GSTZ1: variants seen among roughly 807,000 people sequenced by gnomAD.
GSTZ1 encodes maleylacetoacetate isomerase.
GSTZ1 carries 34 observed loss-of-function variants against 35.9 expected under a neutral mutation model. The ratio of observed to expected loss-of-function variants is 0.95; its 90% CI spans 0.72 to 1.26. The LOEUF (loss-of-function observed/expected upper bound fraction) is 1.26, where lower values mean the gene tolerates loss of function less well. Among genes scored for constraint, GSTZ1 ranks in the 50% most tolerant of loss-of-function variants. GSTZ1 has a pLI of 0.00. For missense variants in GSTZ1, 263 were observed against 271.7 expected (o/e 0.97, Z 0.23); for synonymous variants, 93 against 101.2 (o/e 0.92, Z 0.49).
intron 1 of GSTZ1, chr14:77,323,568 G>GAC (rs2078512763): frequency 6.6e-6 from 1 of 152,160 alleles, no homozygotes; most frequent in African/African-American, 2.4e-5. Flanking sequence ...TCGAACTCCT[G>GAC]ACCTCAGGTG....
At chr14:77,330,641 A>C (rs1046566277) in intron 8 of GSTZ1, among the ~76,000 whole-genome samples, 6 of 152,058 alleles carry the variant, frequency 3.9e-5, no homozygotes, top group African/African-American at 7.2e-5. Flanking sequence ...TGATGTCCTC[A>C]AATGTGGTGT....
At chr14:77,321,339 C>G (rs372580390) in intron 1 of GSTZ1, 156 bp downstream of exon 1, 3 of 1,533,380 alleles carry the variant, frequency 2.0e-6, no homozygotes, top group South Asian at 1.2e-5. Flanking sequence ...GCGTGCTGCG[C>G]GCTGCCCGCT....
chr14:77,321,236 TG>T (rs776626167), intron 1 of GSTZ1, 53 bp downstream of exon 1: 154 of 1,533,992 alleles, frequency 1.0e-4, no homozygotes, highest in Non-Finnish European at 1.3e-4. Context: ...CTGGAGACCC[TG>T]GGGGGCGGGG....
chr14:77,329,018 C>T, intron 5 of GSTZ1, 105 bp from the exon 6 acceptor site: 1 of 836,090 alleles, frequency 1.2e-6, no homozygotes, highest in South Asian at 1.3e-5. Flanking sequence ...GGATAGACAT[C>T]CAGCCAGGGG....
chr14:77,321,205 G>A, intron 1 of GSTZ1, 22 bp downstream of exon 1: 1 of 1,499,052 alleles, frequency 6.7e-7, no homozygotes, highest in Non-Finnish European at 9.0e-7. Flanking sequence ...GCACCCGGGT[G>A]GAGGGAAGCT....
rs778632005 is a variant in GSTZ1, at chr14:77,331,217, G to A, written c.*22G>A. 6.2e-7 allele frequency: 1 copy of A among 1,605,642 alleles called. No individual in the cohort carries two copies. The highest frequency in any genetic ancestry group is 1.1e-5 in the South Asian group (1 of 90,524). On this transcript the variant is annotated 3_prime_UTR_variant, in exon 9 of 9. Transcript: ENST00000216465. The stretch of plus-strand genomic sequence containing the variant: ...CTAGCTCCCAAATCCTGCCCCGTTG[G>A]CACAGGGCCACAGGAGCAGAAGCTG...
Position 77,324,923 on chromosome 14 carries a change from T to C in GSTZ1, c.67+2T>C. 6.2e-7 allele frequency: 1 copy of C among 1,612,010 alleles called. No individual in the cohort carries two copies. Among genetic ancestry groups the C allele is most frequent in the Non-Finnish European group, 8.5e-7 (1 of 1,178,076 alleles). ...CCTGCTCATGGAGAGTTCGAATTGG[T>C]AAGAGATGTGCCTCCTCCAGGATGA... is the stretch of plus-strand genomic sequence containing the variant. On this transcript the variant is annotated splice_donor_variant, in intron 2 of 8. Transcript: ENST00000216465. LOFTEE classifies it high-confidence loss of function.
At position 77,328,906 on chromosome 14, in the gene GSTZ1, G is replaced by A; in HGVS notation, c.343-217G>A. 9 of 588,660 alleles carry A rather than the reference G, an allele frequency of 1.5e-5. No individual in the cohort carries two copies. In the South Asian group the frequency reaches 1.8e-4, roughly 12 times the overall value. 36.5% of individuals were successfully genotyped at this position (588,660 alleles called of 1,614,324 possible). On this transcript the variant is annotated intron_variant, in intron 5 of 8. Transcript: ENST00000216465. ...TGACAGAATCACGTGGCTTTTTGAG[G>A]CCACTGGGGCAGCCTGCAAAGGTGG...
intron 3 of GSTZ1, chr14:77,327,231 G>A (rs545755742): frequency 4.9e-5 from 29 of 596,482 alleles, no homozygotes; most frequent in Admixed American, 4.7e-4. Context: ...TGGTGGCCAC[G>A]GTGTGAGATG....
chr14:77,327,255 T>C, intron 3 of GSTZ1: 1 of 603,726 alleles, frequency 1.7e-6, no homozygotes, highest in Non-Finnish European at 3.0e-6. Flanking sequence ...GGAAAGCCCA[T>C]AGCCAGGCTG....
chr14:77,331,196 C>T lies in GSTZ1; in HGVS notation c.*1C>T, dbSNP rs1429451627. 23 of 1,611,888 alleles carry T rather than the reference C, an allele frequency of 1.4e-5. No homozygotes were observed. Among genetic ancestry groups the T allele is most frequent in the Non-Finnish European group, 2.0e-5 (23 of 1,178,660 alleles). ...TACACCCACTGAGCTGAGGGCCTAG[C>T]TCCCAAATCCTGCCCCGTTGGCACA... On this transcript the variant is annotated 3_prime_UTR_variant, in exon 9 of 9. Coordinates refer to ENST00000216465, the MANE Select transcript of GSTZ1 (RefSeq NM_145870.3).
rs771039667 is a variant in GSTZ1, at chr14:77,326,825, C to T, written c.68-13C>T. 13 of 1,587,148 alleles carry T rather than the reference C, an allele frequency of 8.2e-6. No homozygotes were observed. The highest frequency in any genetic ancestry group is 4.0e-5 in the African/African-American group (3 of 74,578). On this transcript the variant is annotated splice_polypyrimidine_tract_variant and intron_variant, in intron 2 of 8. Coordinates refer to ENST00000216465, the MANE Select transcript of GSTZ1 (RefSeq NM_145870.3). ...GGCTGTTCTTTGACTCCGCTATGTG[C>T]GGTCTCTCCTAGCTCTGGCCTTGAA...
chr14:77,326,605 G>A lies in GSTZ1; in HGVS notation c.68-233G>A, dbSNP rs185494333. ...CCATTGGGGGGGTCCAGATCTTGAG[G>A]TCTCTAAGAGTTCAGGGGTGAGTGA... is the stretch of plus-strand genomic sequence containing the variant. On this transcript the variant is annotated intron_variant, in intron 2 of 8. Coordinates refer to ENST00000216465, the MANE Select transcript of GSTZ1 (RefSeq NM_145870.3). The A allele has an allele frequency of 1.5e-3, 747 of 494,696 alleles. 3 individuals are homozygous for A. The highest frequency in any genetic ancestry group is 2.3e-3 in the Non-Finnish European group (631 of 270,796). 30.6% of individuals were successfully genotyped at this position (494,696 alleles called of 1,614,324 possible). A position where few individuals can be genotyped will look rare whatever the true frequency, so the allele number is the denominator to read the frequency against.
At chr14:77,321,366 G>A in intron 1 of GSTZ1, 183 bp downstream of exon 1, 1 of 1,530,912 alleles carries the variant, frequency 6.5e-7, no homozygotes, top group South Asian at 1.2e-5. Context: ...CGAAGTTCCG[G>A]GAGGGTTGGG....
intron 7 of GSTZ1, 31 bp from the exon 8 acceptor site, chr14:77,330,279 C>T (rs746959326): frequency 1.3e-6 from 2 of 1,574,100 alleles, no homozygotes; most frequent in East Asian, 2.2e-5. Flanking sequence ...GGGTATGCAC[C>T]CTGATGGGAA....
chr14:77,329,869 C>T, intron 7 of GSTZ1, 62 bp downstream of exon 7: 2 of 1,254,896 alleles, frequency 1.6e-6, no homozygotes, highest in Non-Finnish European at 2.3e-6. Flanking sequence ...ATGCTGACCT[C>T]CCTCAAGCTC....
intron 6 of GSTZ1, 76 bp from the exon 7 acceptor site, chr14:77,329,677 CTA>C (rs1892514023): frequency 8.8e-7 from 1 of 1,137,166 alleles, no homozygotes; most frequent in East Asian, 2.3e-5. Context: ...CATTTCATAA[CTA>C]TGGAGGCCAA....
In GSTZ1 at chr14:77,331,325, C is replaced by T. The variant is rs1285217403; in HGVS notation, c.*130C>T. On this transcript the variant is annotated 3_prime_UTR_variant, in exon 9 of 9. Transcript: ENST00000216465. The stretch of plus-strand genomic sequence containing the variant: ...CTCTAGCCCTGGATCTGCCTTCCTG[C>T]TGAAACTTGTTCCACCTCAGTCCCC... 2.7e-6 allele frequency: 3 copies of T among 1,102,032 alleles called. No individual in the cohort carries two copies. In the African/African-American group the frequency reaches 4.7e-5, roughly 17 times the overall value. 68.3% of individuals were successfully genotyped at this position (1,102,032 alleles called of 1,614,324 possible). A position where few individuals can be genotyped will look rare whatever the true frequency, so the allele number is the denominator to read the frequency against.
chr14:77,326,947 C>A, intron 3 of GSTZ1, 42 bp downstream of exon 3: 2 of 1,365,246 alleles, frequency 1.5e-6, no homozygotes, highest in Non-Finnish European at 2.1e-6. Context: ...GAATTGGAGG[C>A]CTTGAACAGG....
Sources: allele counts gnomAD v4.1 joint callset (sites outside exome capture counted in the v4.1 genomes callset), GRCh38; gene constraint gnomAD v4.1.1; transcripts MANE v1.5; gene names NCBI Gene and HGNC (gene_info 2026-07-23, HGNC 2026-07-21).